Variants in SPAG9 observed in about 807,000 individuals in gnomAD.
SPAG9 encodes sperm associated antigen 9.
A neutral mutation model predicts 166.5 loss-of-function variants in SPAG9; 35 were observed. The observed-to-expected ratio is 0.21, with a 90% CI of 0.16 to 0.28. The LOEUF (loss-of-function observed/expected upper bound fraction) is 0.28. SPAG9 is among the 10% of genes least tolerant of loss of function. SPAG9 has a pLI of 1.00. For missense variants in SPAG9, 1,235 were observed against 1,603.3 expected (o/e 0.77, Z 3.92); for synonymous variants, 534 against 565.5 (o/e 0.94, Z 0.79).
At chr17:51,105,186 G>T (rs949789878) in intron 1 of SPAG9, among the ~76,000 whole-genome samples, 2 of 152,132 alleles carry the variant, frequency 1.3e-5, no homozygotes, top group African/African-American at 4.8e-5. Flanking sequence ...ATGGTAAATT[G>T]AACCCCTGGG....
At chr17:51,085,960 T>C (rs1036069585) in intron 1 of SPAG9, among the ~76,000 whole-genome samples, 1 of 32,874 alleles carries the variant, frequency 3.0e-5, no homozygotes, top group Non-Finnish European at 7.4e-5. Context: ...TTGGAAATCA[T>C]TTTTTTTTTT....
At chr17:51,042,844 AG>A (rs2046890145) in intron 4 of SPAG9, among the ~76,000 whole-genome samples, 1 of 152,224 alleles carries the variant, frequency 6.6e-6, no homozygotes, top group African/African-American at 2.4e-5. Flanking sequence ...ATTTAAAAAC[AG>A]AACTTTGATT....
At chr17:50,993,991 T>C (rs1390772829) in intron 18 of SPAG9, 56 bp from the exon 19 acceptor site, 7 of 1,469,184 alleles carry the variant, frequency 4.8e-6, no homozygotes, top group Non-Finnish European at 6.6e-6. Context: ...CAAATATTCA[T>C]AAGGTGGTGC....
intron 1 of SPAG9, among the ~76,000 whole-genome samples, chr17:51,089,697 A>G (rs1408720356): frequency 7.6e-6 from 1 of 131,592 alleles, no homozygotes; most frequent in Admixed American, 8.1e-5. Context: ...TTTTTTTGAT[A>G]TGGAGTCTCG....
intron 16 of SPAG9, 131 bp downstream of exon 16, chr17:50,996,434 T>C: frequency 1.9e-6 from 2 of 1,026,442 alleles, no homozygotes; most frequent in East Asian, 2.5e-5. Flanking sequence ...CCTCCATGCT[T>C]AAATGTGTGC....
intron 3 of SPAG9, among the ~76,000 whole-genome samples, chr17:51,049,155 T>C (rs564663124): frequency 2.0e-5 from 3 of 151,682 alleles, no homozygotes; most frequent in Admixed American, 6.6e-5. Flanking sequence ...GGAGGTTTGC[T>C]TGAGGCCAGG....
chr17:51,037,167 A>T (rs1355440858), intron 5 of SPAG9, among the ~76,000 whole-genome samples: 1 of 152,130 alleles, frequency 6.6e-6, no homozygotes, highest in Non-Finnish European at 1.5e-5. Context: ...CAGTGGCATG[A>T]TCATGGCTCA....
chr17:51,029,929 T>C (rs78649952), intron 6 of SPAG9, among the ~76,000 whole-genome samples: 1 of 152,194 alleles, frequency 6.6e-6, no homozygotes, highest in Admixed American at 6.6e-5. Context: ...GTCATTTTTT[T>C]CCTCCCTGTG....
chr17:51,022,156 G>T (rs1460910676), intron 6 of SPAG9, among the ~76,000 whole-genome samples: 2 of 151,314 alleles, frequency 1.3e-5, no homozygotes. Flanking sequence ...GGGAGAGGGG[G>T]CAGATTCCAG....
At chr17:51,010,421 C>T (rs981762914) in intron 9 of SPAG9, among the ~76,000 whole-genome samples, 3 of 151,686 alleles carry the variant, frequency 2.0e-5, no homozygotes, top group Non-Finnish European at 4.4e-5. Flanking sequence ...TCCAGGGAGA[C>T]AGATAACTAA....
intron 27 of SPAG9, chr17:50,975,899 C>T (rs1048117113): frequency 6.5e-5 from 100 of 1,534,992 alleles, no homozygotes; most frequent in Middle Eastern, 1.7e-4. Context: ...TGGAGGATTA[C>T]GGCTAAAGTG....
At chr17:51,062,318 C>T (rs922077112) in intron 2 of SPAG9, among the ~76,000 whole-genome samples, 20 of 152,256 alleles carry the variant, frequency 1.3e-4, no homozygotes, top group African/African-American at 3.9e-4. Flanking sequence ...AGGGTACACT[C>T]GTGGTGTTGT....
At chr17:51,102,404 C>CAA (rs1176687263) in intron 1 of SPAG9, among the ~76,000 whole-genome samples, 29 of 80,162 alleles carry the variant, frequency 3.6e-4, no homozygotes, top group South Asian at 2.6e-3. Flanking sequence ...ACTCTGTCTG[C>CAA]AAAAAAAAAA....
At chr17:51,076,562 T>C (rs569447989) in intron 2 of SPAG9, among the ~76,000 whole-genome samples, 124 of 151,540 alleles carry the variant, frequency 8.2e-4, no homozygotes, top group African/African-American at 2.9e-3. Context: ...ATGGTGAAAC[T>C]CCATCTCTAC....
intron 9 of SPAG9, among the ~76,000 whole-genome samples, chr17:51,011,914 A>G (rs2045500104): frequency 6.6e-6 from 1 of 152,200 alleles, no homozygotes; most frequent in Non-Finnish European, 1.5e-5. Context: ...TCTAAGTACT[A>G]TGGGGCTTCT....
intron 18 of SPAG9, 106 bp downstream of exon 18, chr17:50,994,951 G>A: frequency 2.7e-6 from 2 of 751,972 alleles, no homozygotes; most frequent in South Asian, 1.9e-5. Context: ...CAGTAAGCCA[G>A]GGCATAGTAA....
Position 51,031,538 on chromosome 17 carries a change from A to T in SPAG9, c.783+143T>A. On this transcript the variant is annotated intron_variant, in intron 6 of 29. Transcript: ENST00000262013. The stretch of plus-strand genomic sequence containing the variant: ...CCTGACAACCACTACAGTGGAAATA[A>T]TTTTCTTTTATATTTCAGTGAATTA... The T allele has an allele frequency of 4.5e-6, 3 of 673,178 alleles. No homozygotes were observed. In the South Asian group the frequency reaches 5.3e-5, roughly 12 times the overall value. 41.7% of individuals were successfully genotyped at this position (673,178 alleles called of 1,614,324 possible).
chr17:51,054,405 G>C (rs2047300500), intron 3 of SPAG9, among the ~76,000 whole-genome samples: 1 of 150,370 alleles, frequency 6.7e-6, no homozygotes, highest in Non-Finnish European at 1.5e-5. Context: ...TTACAGGCAT[G>C]AGCCACTGCT....
At chr17:51,040,051 A>T (rs1443434936) in intron 5 of SPAG9, among the ~76,000 whole-genome samples, 1 of 152,064 alleles carries the variant, frequency 6.6e-6, no homozygotes, top group African/African-American at 2.4e-5. Flanking sequence ...CCTGACCAAC[A>T]TGGTGAAACT....
Sources: gnomAD v4.1 joint callset for allele counts (sites outside exome capture counted in the v4.1 genomes callset) on GRCh38, gnomAD v4.1.1 for gene constraint, MANE v1.5 for transcripts, NCBI Gene and HGNC (gene_info 2026-07-23, HGNC 2026-07-21) for gene names.